BCAS3: variants seen among roughly 807,000 people sequenced by gnomAD.
BCAS3 encodes the protein BCAS3 microtubule associated cell migration factor.
BCAS3 carries 53 observed loss-of-function variants against 116.1 expected under a neutral mutation model. That is an observed-to-expected ratio of 0.46 (90% CI 0.37 to 0.57). The LOEUF is 0.57. Among genes scored for constraint, BCAS3 ranks in the 20% least tolerant of loss-of-function variants. The pLI is 0.00. For synonymous variants in BCAS3, 391 were observed against 408.2 expected, an observed-to-expected ratio of 0.96 and a Z score of 0.51; for missense variants, 917 against 1,165.4, an observed-to-expected ratio of 0.79 and a Z score of 3.10.
intron 22 of BCAS3, among the ~76,000 whole-genome samples, chr17:61,173,009 G>A (rs201631757): frequency 1.3e-5 from 1 of 79,450 alleles, no homozygotes. Context: ...TAAATAAATA[G>A]GATTTAAGTC....
Position 60,932,121 on chromosome 17 carries a change from T to C in BCAS3, c.1087+7621T>C, listed in dbSNP as rs150046380. ...TATCTAACAAATAGAGTAACCTCAATAGATATTAGTTGTTTCTGTTTTCAT... is the reference window on the plus strand; with the variant it reads ...TATCTAACAAATAGAGTAACCTCAACAGATATTAGTTGTTTCTGTTTTCAT... On this transcript the variant is annotated intron_variant, in intron 13 of 23. Coordinates refer to ENST00000407086, the MANE Select transcript of BCAS3 (RefSeq NM_017679.5). Among the ~76,000 whole-genome samples the C allele has an allele frequency of 9.4e-3, 1,432 of 152,190 alleles. 11 individuals are homozygous for C. Among genetic ancestry groups the C allele is most frequent in the Non-Finnish European group, 0.014 (921 of 67,980 alleles).
rs139402796 is a variant in BCAS3, at chr17:60,932,029, C to T, written c.1087+7529C>T. 7.9e-5 allele frequency among the ~76,000 whole-genome samples: 12 copies of T among 151,962 alleles called. No individual in the cohort carries two copies. In the East Asian group the frequency reaches 1.2e-3, roughly 15 times the overall value. ...CAGAAATTGCAGTGAGCTGAGATCG[C>T]GCCACTGTGCTCCAGCCTGGGTGAC... On this transcript the variant is annotated intron_variant, in intron 13 of 23. Coordinates refer to ENST00000407086, the MANE Select transcript of BCAS3 (RefSeq NM_017679.5).
rs2081068661 is a variant in BCAS3 at position 61,205,515 on chromosome 17, A to G, written c.2425+120951A>G. ...TGATCCTGTGTGACATTCAGGAACT[A>G]TTGCAGACTTCCAGGACTCAAGACA... On this transcript the variant is annotated intron_variant, in intron 22 of 23. Coordinates refer to ENST00000407086, the MANE Select transcript of BCAS3 (RefSeq NM_017679.5). The surrounding 1 kb of genome is among the most constrained non-coding windows in gnomAD (Gnocchi z 5.2). Among the ~76,000 whole-genome samples, 2 of 152,202 alleles carry G rather than the reference A, an allele frequency of 1.3e-5. No individual in the cohort carries two copies. The highest frequency in any genetic ancestry group is 4.8e-5 in the African/African-American group (2 of 41,454).
Position 60,874,645 on chromosome 17 carries a change from T to TC in BCAS3, c.585-16dup. ...TCACTTTTTTTCTTTCTGTTTTTTT[T>TC]CTCTCTCTAATTTTAGGATCCTTGT... On this transcript the variant is annotated splice_polypyrimidine_tract_variant and intron_variant, in intron 8 of 23. Coordinates refer to ENST00000407086, the MANE Select transcript of BCAS3 (RefSeq NM_017679.5). 1 of 1,575,052 alleles carries TC rather than the reference T, an allele frequency of 6.3e-7. No individual in the cohort carries two copies. The highest frequency in any genetic ancestry group is 2.2e-5 in the East Asian group (1 of 44,522).
chr17:61,344,066 G>C lies in BCAS3; in HGVS notation c.2426-24261G>C, dbSNP rs1446314610. 6.6e-6 allele frequency among the ~76,000 whole-genome samples: 1 copy of C among 152,162 alleles called. No individual in the cohort carries two copies. The highest frequency in any genetic ancestry group is 1.9e-4 in the East Asian group (1 of 5,180). On this transcript the variant is annotated intron_variant, in intron 22 of 23. Transcript: ENST00000407086. This position sits in a 1 kb window ranked among gnomAD's most constrained non-coding sequence, Gnocchi z 4.1. ...CAAGAGTCAGTAATAAGATCAGAGA[G>C]TAGAAGACTAGGGCCAGGAGCGTGG...
In BCAS3 at chr17:61,224,037, A is replaced by G. The variant is rs963560955; in HGVS notation, c.2425+139473A>G. ...AGTTGTTAATCTTCAATTTTTTTCA[A>G]CCACCTCTAATTGAGAGTAGAAAAG... On this transcript the variant is annotated intron_variant, in intron 22 of 23. Coordinates refer to ENST00000407086, the MANE Select transcript of BCAS3 (RefSeq NM_017679.5). The surrounding 1 kb of genome is among the most constrained non-coding windows in gnomAD (Gnocchi z 5.7). Among the ~76,000 whole-genome samples the G allele has an allele frequency of 2.0e-5, 3 of 152,128 alleles. No homozygotes were observed. Among genetic ancestry groups the G allele is most frequent in the African/African-American group, 7.2e-5 (3 of 41,422 alleles).
intron 3 of BCAS3, among the ~76,000 whole-genome samples, chr17:60,684,975 T>C (rs780106291): frequency 7.2e-5 from 11 of 152,088 alleles, no homozygotes; most frequent in Non-Finnish European, 1.6e-4. Flanking sequence ...TTAAATTCAG[T>C]TGGAGGACAT....
intron 3 of BCAS3, among the ~76,000 whole-genome samples, chr17:60,686,783 C>G (rs937419902): frequency 6.6e-6 from 1 of 152,090 alleles, no homozygotes; most frequent in Non-Finnish European, 1.5e-5. Context: ...GCCTTGGCCT[C>G]GCAAAGTTCT....
At position 61,020,965 on chromosome 17, in the gene BCAS3, T is replaced by A. The variant is rs1410716967; in HGVS notation, c.1637+5064T>A. Among the ~76,000 whole-genome samples, 1 of 152,208 alleles carries A rather than the reference T, an allele frequency of 6.6e-6. No homozygotes were observed. Among genetic ancestry groups the A allele is most frequent in the Non-Finnish European group, 1.5e-5 (1 of 68,024 alleles). ...CACTTTTTGTGAAGTAAACATGGGA[T>A]GATTTGCTCTCTCGTAGGTTTCCTT... On this transcript the variant is annotated intron_variant, in intron 16 of 23. Coordinates refer to ENST00000407086, the MANE Select transcript of BCAS3 (RefSeq NM_017679.5). The surrounding 1 kb of genome is among the most constrained non-coding windows in gnomAD (Gnocchi z 4.5).
Position 61,023,399 on chromosome 17 carries a change from T to C in BCAS3, c.1637+7498T>C, listed in dbSNP as rs539359244. Among the ~76,000 whole-genome samples, 2 of 152,306 alleles carry C rather than the reference T, an allele frequency of 1.3e-5. No homozygotes were observed. The highest frequency in any genetic ancestry group is 6.5e-5 in the Admixed American group (1 of 15,290). On this transcript the variant is annotated intron_variant, in intron 16 of 23. Transcript: ENST00000407086. The surrounding 1 kb of genome is among the most constrained non-coding windows in gnomAD (Gnocchi z 4.8). ...TCTTAGGACATGATTAATTGAAAAA[T>C]AAGGTTTATAGAGTATGTTTATAAA...
rs1244630661 is a variant in BCAS3, at chr17:61,233,175, G to A, written c.2426-135152G>A. Among the ~76,000 whole-genome samples, 1 of 152,152 alleles carries A rather than the reference G, an allele frequency of 6.6e-6. No homozygotes were observed. The highest frequency in any genetic ancestry group is 1.9e-4 in the East Asian group (1 of 5,204). ...AAAAAACTCCTCTCCATATTATCTA[G>A]CAACACTCTTTGAGGGATAATGGAA... On this transcript the variant is annotated intron_variant, in intron 22 of 23. Transcript: ENST00000407086. The surrounding 1 kb of genome is among the most constrained non-coding windows in gnomAD (Gnocchi z 4.3).
At chr17:60,687,710 T>A (rs770523840) in intron 3 of BCAS3, among the ~76,000 whole-genome samples, 1 of 152,146 alleles carries the variant, frequency 6.6e-6, no homozygotes, top group South Asian at 2.1e-4. Context: ...GAATAAAATA[T>A]CTAAGCATGG....
chr17:60,790,839 G>A (rs1484349408), intron 6 of BCAS3, among the ~76,000 whole-genome samples: 1 of 149,002 alleles, frequency 6.7e-6, no homozygotes, highest in Non-Finnish European at 1.5e-5. Context: ...TGCCTCCCCG[G>A]TTTAAGCAAT....
At chr17:60,999,937 C>G (rs556838739) in intron 15 of BCAS3, among the ~76,000 whole-genome samples, 2 of 151,960 alleles carry the variant, frequency 1.3e-5, no homozygotes, top group South Asian at 4.2e-4. Context: ...GGATTGCGTT[C>G]TTTATTTGGT....
intron 5 of BCAS3, among the ~76,000 whole-genome samples, chr17:60,722,691 G>A (rs558546723): frequency 2.2e-4 from 33 of 151,746 alleles, no homozygotes; most frequent in Middle Eastern, 3.4e-3. Flanking sequence ...AACCTGGGAG[G>A]TGGAGGTTGC....
chr17:61,138,978 T>C (rs1291516274), intron 22 of BCAS3, among the ~76,000 whole-genome samples: 1 of 152,228 alleles, frequency 6.6e-6, no homozygotes, highest in Non-Finnish European at 1.5e-5. Context: ...AATGCTATCC[T>C]GAATTAGCTG....
At chr17:60,976,312 C>G (rs1414105145) in intron 14 of BCAS3, among the ~76,000 whole-genome samples, 1 of 150,744 alleles carries the variant, frequency 6.6e-6, no homozygotes, top group Non-Finnish European at 1.5e-5. Context: ...GCTTGAGCCA[C>G]CACAGCTTGT....
At chr17:61,076,972 A>T (rs994824687) in intron 20 of BCAS3, among the ~76,000 whole-genome samples, 1 of 152,190 alleles carries the variant, frequency 6.6e-6, no homozygotes, top group African/African-American at 2.4e-5. Context: ...TTAAGAATTA[A>T]TCACCACAAT....
At chr17:60,832,846 A>G (rs1361722439) in intron 7 of BCAS3, among the ~76,000 whole-genome samples, 1 of 152,156 alleles carries the variant, frequency 6.6e-6, no homozygotes, top group Non-Finnish European at 1.5e-5. Flanking sequence ...CCTAAAAGAC[A>G]TTTCTCTAAT....
Sources: gnomAD v4.1 joint callset for allele counts (sites outside exome capture counted in the v4.1 genomes callset) on GRCh38, gnomAD v4.1.1 for gene constraint, Gnocchi (gnomAD v3.1) non-coding constraint, MANE v1.5 for transcripts, NCBI Gene and HGNC (gene_info 2026-07-23, HGNC 2026-07-21) for gene names.